Variants in TAOK3 observed in about 807,000 individuals in gnomAD.
The protein encoded by TAOK3 is TAO kinase 3.
Under a neutral mutation model 120.4 loss-of-function variants are expected in TAOK3, and 40 were observed. The observed-to-expected ratio is 0.33, with a 90% CI of 0.26 to 0.43. The LOEUF (loss-of-function observed/expected upper bound fraction) is 0.43, where lower values mean the gene tolerates loss of function less well. TAOK3 is among the 20% of genes least tolerant of loss of function. The pLI, the probability that TAOK3 is intolerant of heterozygous loss-of-function variation, is 1.00. For synonymous variants in TAOK3, 355 were observed against 387.5 expected, an observed-to-expected ratio of 0.92 and a Z score of 0.99; for missense variants, 821 against 1,112.1, an observed-to-expected ratio of 0.74 and a Z score of 3.72.
At chr12:118,277,011 A>C (rs533440348) in intron 1 of TAOK3, among the ~76,000 whole-genome samples, 1 of 152,368 alleles carries the variant, frequency 6.6e-6, no homozygotes, top group Non-Finnish European at 1.5e-5. Flanking sequence ...CGTCTCAAAC[A>C]AACAAAACTG....
chr12:118,372,318 CT>C lies in TAOK3; in HGVS notation c.-194+329del, dbSNP rs1181172655. 6.6e-6 allele frequency among the ~76,000 whole-genome samples: 1 copy of C among 150,880 alleles called. No individual in the cohort carries two copies. Among genetic ancestry groups the C allele is most frequent in the Non-Finnish European group, 1.5e-5 (1 of 67,620 alleles). Reference sequence around the variant, plus strand: ...CAGGGGACCCCCTCCCCTCATCCCCCTATCCTAGTGCCTCATGAGGCACCCA... The same window carrying C: ...CAGGGGACCCCCTCCCCTCATCCCCCATCCTAGTGCCTCATGAGGCACCCA... On this transcript the variant is annotated intron_variant, in intron 1 of 20. Coordinates refer to ENST00000392533, the MANE Select transcript of TAOK3 (RefSeq NM_016281.4). This position sits in a 1 kb window ranked among gnomAD's most constrained non-coding sequence, Gnocchi z 4.6.
At chr12:118,192,218 G>A (rs1027566919) in intron 13 of TAOK3, among the ~76,000 whole-genome samples, 2 of 152,142 alleles carry the variant, frequency 1.3e-5, no homozygotes, top group Non-Finnish European at 2.9e-5. Context: ...GGAAGTTGAA[G>A]TACACCGGAA....
chr12:118,231,116 T>C (rs1279171481), intron 9 of TAOK3, among the ~76,000 whole-genome samples: 1 of 152,158 alleles, frequency 6.6e-6, no homozygotes, highest in East Asian at 1.9e-4. Context: ...TACGTTACCT[T>C]GGGTGTGAAA....
Position 118,211,671 on chromosome 12 carries a change from A to T in TAOK3, c.819+1243T>A, listed in dbSNP as rs1361640364. ...CACTCTATTGCCCAGGCTGGAGTGC[A>T]GTGGCACAATCATACCTCACTATAA... On this transcript the variant is annotated intron_variant, in intron 11 of 20. Coordinates refer to ENST00000392533, the MANE Select transcript of TAOK3 (RefSeq NM_016281.4). 6.1e-5 allele frequency among the ~76,000 whole-genome samples: 9 copies of T among 148,388 alleles called. No homozygotes were observed. The East Asian group carries it at 1.0e-3, about 16-fold the overall frequency.
chr12:118,339,301 T>TTTTTTA (rs71069439), intron 1 of TAOK3, among the ~76,000 whole-genome samples: 1 of 136,544 alleles, frequency 7.3e-6, no homozygotes, highest in African/African-American at 2.9e-5. Flanking sequence ...TTTTTTTTTT[T>TTTTTTA]GAGATGGAGT....
chr12:118,262,179 A>G (rs1184099362), intron 2 of TAOK3, among the ~76,000 whole-genome samples: 2 of 150,930 alleles, frequency 1.3e-5, no homozygotes, highest in African/African-American at 4.9e-5. Flanking sequence ...TTATGTCTCT[A>G]TGTATAAATA....
chr12:118,189,529 GACACAGACACACACAC>G (rs1380098604), intron 14 of TAOK3, among the ~76,000 whole-genome samples: 6 of 83,324 alleles, frequency 7.2e-5, no homozygotes, highest in Non-Finnish European at 1.2e-4. Flanking sequence ...AACACACACA[GACACAGACACACACAC>G]ACACACACAC....
intron 1 of TAOK3, among the ~76,000 whole-genome samples, chr12:118,290,893 C>CT (rs757019424): frequency 2.8e-3 from 391 of 138,656 alleles, no homozygotes; most frequent in Middle Eastern, 3.8e-3. Flanking sequence ...AGGGCGTTTA[C>CT]TTTTTTTTTT....
chr12:118,255,297 G>C (rs2040932086), intron 3 of TAOK3, 151 bp downstream of exon 3: 1 of 632,742 alleles, frequency 1.6e-6, no homozygotes, highest in South Asian at 3.2e-5. Flanking sequence ...GTTTTTTGTA[G>C]AGACAGGGTC....
At chr12:118,241,991 A>T (rs1412980730) in intron 5 of TAOK3, among the ~76,000 whole-genome samples, 2 of 151,790 alleles carry the variant, frequency 1.3e-5, no homozygotes, top group East Asian at 3.9e-4. Context: ...GGTGGCTGAG[A>T]CAGGAGAATC....
intron 1 of TAOK3, among the ~76,000 whole-genome samples, chr12:118,285,633 G>A (rs1002983237): frequency 1.1e-4 from 16 of 152,306 alleles, no homozygotes; most frequent in Admixed American, 2.0e-4. Context: ...GATTACAGGC[G>A]TGAGCCACCA....
At chr12:118,239,390 C>A in intron 5 of TAOK3, 118 bp from the exon 6 acceptor site, 1 of 601,286 alleles carries the variant, frequency 1.7e-6, no homozygotes. Flanking sequence ...TCTGATCTAC[C>A]CGAACTTGGA....
rs542698004 is a variant in TAOK3, at chr12:118,233,893, T to C, written c.552-128A>G. 1,264 of 642,706 alleles carry C rather than the reference T, an allele frequency of 2.0e-3. 19 individuals are homozygous for C. Among genetic ancestry groups the C allele is most frequent in the South Asian group, 0.014 (799 of 55,854 alleles). 39.8% of individuals were successfully genotyped at this position (642,706 alleles called of 1,614,324 possible). A position where few individuals can be genotyped will look rare whatever the true frequency, so the allele number is the denominator to read the frequency against. On this transcript the variant is annotated intron_variant, in intron 8 of 20. Coordinates refer to ENST00000392533, the MANE Select transcript of TAOK3 (RefSeq NM_016281.4). ...TTATCTGATATAGATATTATTTCCTTACACAAATAATTTTGAAAAACACTA... is the reference window on the plus strand; with the variant it reads ...TTATCTGATATAGATATTATTTCCTCACACAAATAATTTTGAAAAACACTA...
At chr12:118,214,993 C>A (rs565945361) in intron 9 of TAOK3, among the ~76,000 whole-genome samples, 66 of 151,738 alleles carry the variant, frequency 4.3e-4, no homozygotes, top group African/African-American at 1.6e-3. Flanking sequence ...GATCCACCCA[C>A]CTCAGCCTCC....
chr12:118,252,728 T>C (rs1454131949), intron 3 of TAOK3, among the ~76,000 whole-genome samples: 1 of 151,050 alleles, frequency 6.6e-6, no homozygotes, highest in African/African-American at 2.4e-5. Flanking sequence ...CTTTTCTTTT[T>C]TTTTTTTTTG....
chr12:118,328,132 C>A (rs2044005950), intron 1 of TAOK3, among the ~76,000 whole-genome samples: 1 of 151,818 alleles, frequency 6.6e-6, no homozygotes. Context: ...TGGCTCACTG[C>A]AACCTGCAAC....
In TAOK3 at chr12:118,149,875, A is replaced by G. The variant is rs556671042; in HGVS notation, c.*1122T>C. ...TCATGCTCTTCCTTGGAACCTGAAA[A>G]ATGTTTTGTTTTGTTTTTAAAGTGC... On this transcript the variant is annotated 3_prime_UTR_variant, in exon 21 of 21. Transcript: ENST00000392533. The G allele has an allele frequency of 6.6e-6, 1 of 152,304 alleles. No homozygotes were observed. The highest frequency in any genetic ancestry group is 2.4e-5 in the African/African-American group (1 of 41,564). 9.4% of individuals were successfully genotyped at this position (152,304 alleles called of 1,614,324 possible).
intron 1 of TAOK3, among the ~76,000 whole-genome samples, chr12:118,342,684 A>G (rs1165261551): frequency 1.3e-5 from 2 of 152,190 alleles, no homozygotes; most frequent in African/African-American, 4.8e-5. Context: ...CTGAAATCCC[A>G]GCAATTTTCC....
At chr12:118,318,111 T>C (rs923742873) in intron 1 of TAOK3, among the ~76,000 whole-genome samples, 1 of 150,844 alleles carries the variant, frequency 6.6e-6, no homozygotes, top group African/African-American at 2.4e-5. Flanking sequence ...ATACAAACAA[T>C]AACTCAGAAT....
Sources: gnomAD v4.1 joint callset for allele counts (sites outside exome capture counted in the v4.1 genomes callset) on GRCh38, gnomAD v4.1.1 for gene constraint, Gnocchi (gnomAD v3.1) non-coding constraint, MANE v1.5 for transcripts, NCBI Gene and HGNC (gene_info 2026-07-23, HGNC 2026-07-21) for gene names.